The following IMMP2L variants were observed in gnomAD, a reference collection of about 807,000 sequenced individuals.
The protein encoded by IMMP2L is mitochondrial inner membrane protease subunit 2.
A neutral mutation model predicts 19.3 loss-of-function variants in IMMP2L; 18 were observed. The observed-to-expected ratio is 0.93, with a 90% CI of 0.64 to 1.38. The LOEUF (loss-of-function observed/expected upper bound fraction) is 1.38, where lower values mean the gene tolerates loss of function less well. IMMP2L is among the 40% of genes most tolerant of loss of function. IMMP2L has a pLI of 0.00. For synonymous variants in IMMP2L, 76 were observed against 73.0 expected, an observed-to-expected ratio of 1.04 and a Z score of -0.21; for missense variants, 233 against 218.2, an observed-to-expected ratio of 1.07 and a Z score of -0.43.
At chr7:111,388,307 C>A (rs376747708) in intron 3 of IMMP2L, among the ~76,000 whole-genome samples, 6 of 151,758 alleles carry the variant, frequency 4.0e-5, no homozygotes, top group Admixed American at 2.6e-4. Context: ...GGAAATTGGG[C>A]AAACAAATAA....
intron 5 of IMMP2L, among the ~76,000 whole-genome samples, chr7:110,869,754 A>G (rs909457975): frequency 2.0e-5 from 3 of 152,132 alleles, no homozygotes; most frequent in South Asian, 4.1e-4. Context: ...AAACAGTGCT[A>G]TAACATTTTA....
intron 3 of IMMP2L, among the ~76,000 whole-genome samples, chr7:111,438,892 G>C (rs556441196): frequency 6.6e-6 from 1 of 151,838 alleles, no homozygotes; most frequent in South Asian, 2.1e-4. Context: ...TCACAAATAT[G>C]AACTAAAATT....
intron 3 of IMMP2L, among the ~76,000 whole-genome samples, chr7:111,346,499 G>A (rs1248750209): frequency 6.6e-6 from 1 of 152,120 alleles, no homozygotes; most frequent in Non-Finnish European, 1.5e-5. Flanking sequence ...TTTGGATGGA[G>A]CCTTCCAAAT....
chr7:111,047,177 T>TGG (rs1792485222), intron 3 of IMMP2L, among the ~76,000 whole-genome samples: 2 of 139,814 alleles, frequency 1.4e-5, no homozygotes, highest in African/African-American at 6.3e-5. Flanking sequence ...TCTTTTTTGT[T>TGG]TTTTTTTTGT....
intron 3 of IMMP2L, among the ~76,000 whole-genome samples, chr7:111,148,744 A>G (rs1803753881): frequency 6.6e-6 from 1 of 151,646 alleles, no homozygotes; most frequent in Admixed American, 6.6e-5. Context: ...TGGATGACAT[A>G]CGTGTATGTG....
At chr7:111,397,450 C>T (rs574526400) in intron 3 of IMMP2L, among the ~76,000 whole-genome samples, 2 of 152,130 alleles carry the variant, frequency 1.3e-5, no homozygotes, top group Admixed American at 1.3e-4. Context: ...TGATTTATGT[C>T]TTGGAAAAAA....
At chr7:111,541,168 GC>G (rs1158656724) in intron 1 of IMMP2L, among the ~76,000 whole-genome samples, 2 of 152,000 alleles carry the variant, frequency 1.3e-5, no homozygotes, top group Non-Finnish European at 2.9e-5. Context: ...TATCAGAATG[GC>G]CCCTCCCTCA....
In IMMP2L at chr7:111,549,257, A is replaced by T. The variant is rs74464602; in HGVS notation, c.-3+12594T>A. On this transcript the variant is annotated intron_variant, in intron 1 of 5. Transcript: ENST00000405709. ...CTCATTAACCGAACAATTCCCCACT[A>T]TTCTCTGAGTTTAAATTCACATAGG... Among the ~76,000 whole-genome samples, 408 of 152,270 alleles carry T rather than the reference A, an allele frequency of 2.7e-3. 6 individuals carry two copies. Among genetic ancestry groups the T allele is most frequent in the African/African-American group, 9.3e-3 (385 of 41,586 alleles).
At chr7:111,124,636 G>C (rs775420803) in intron 3 of IMMP2L, 2 of 1,613,954 alleles carry the variant, frequency 1.2e-6, no homozygotes, top group South Asian at 2.2e-5. Flanking sequence ...AAAAGAGTAT[G>C]AAAAGAATAA....
chr7:111,183,572 C>T (rs1485919023), intron 3 of IMMP2L, among the ~76,000 whole-genome samples: 2 of 152,074 alleles, frequency 1.3e-5, no homozygotes, highest in African/African-American at 2.4e-5. Context: ...GAAATGACTG[C>T]ATATGTATCC....
intron 3 of IMMP2L, among the ~76,000 whole-genome samples, chr7:111,007,927 T>C (rs191657793): frequency 1.8e-4 from 28 of 152,062 alleles, no homozygotes; most frequent in African/African-American, 6.5e-4. Flanking sequence ...TAATAGTATC[T>C]CCATCCTTCC....
At chr7:111,360,262 CTAAT>C (rs1584792576) in intron 3 of IMMP2L, among the ~76,000 whole-genome samples, 1 of 152,070 alleles carries the variant, frequency 6.6e-6, no homozygotes, top group Non-Finnish European at 1.5e-5. Flanking sequence ...TACATGCATA[CTAAT>C]TATTAAAATG....
At chr7:111,350,350 CATATATAT>C (rs35448482) in intron 3 of IMMP2L, among the ~76,000 whole-genome samples, 1 of 147,216 alleles carries the variant, frequency 6.8e-6, no homozygotes, top group East Asian at 2.0e-4. Flanking sequence ...TGCATATATA[CATATATAT>C]ATATATATAT....
At chr7:111,033,898 C>T (rs1791075340) in intron 3 of IMMP2L, among the ~76,000 whole-genome samples, 1 of 151,964 alleles carries the variant, frequency 6.6e-6, no homozygotes, top group African/African-American at 2.4e-5. Flanking sequence ...GTGGTAATAT[C>T]CATATTATGG....
chr7:111,220,538 A>G (rs942842700), intron 3 of IMMP2L, among the ~76,000 whole-genome samples: 1 of 152,006 alleles, frequency 6.6e-6, no homozygotes, highest in Non-Finnish European at 1.5e-5. Context: ...TTTGAGATAA[A>G]AAGTTTTCTG....
At chr7:111,384,488 CA>C (rs1414895260) in intron 3 of IMMP2L, among the ~76,000 whole-genome samples, 1 of 152,080 alleles carries the variant, frequency 6.6e-6, no homozygotes, top group Non-Finnish European at 1.5e-5. Context: ...CTACTTCTCC[CA>C]AACTCCTAAA....
chr7:111,485,848 T>C (rs1251042477), intron 3 of IMMP2L, among the ~76,000 whole-genome samples: 2 of 151,930 alleles, frequency 1.3e-5, no homozygotes, highest in African/African-American at 4.8e-5. Context: ...TCTATTTAAG[T>C]CCACTTGGTT....
chr7:111,485,492 G>A (rs1162415722), intron 3 of IMMP2L, among the ~76,000 whole-genome samples: 1 of 149,446 alleles, frequency 6.7e-6, no homozygotes, highest in African/African-American at 2.5e-5. Context: ...CAACTACTCA[G>A]GAGGCTGAAG....
intron 1 of IMMP2L, among the ~76,000 whole-genome samples, chr7:111,529,740 T>C (rs1317431266): frequency 1.3e-5 from 2 of 152,154 alleles, no homozygotes; most frequent in Non-Finnish European, 2.9e-5. Flanking sequence ...GCTTCTTTCA[T>C]GGAGATAATT....
Sources: allele counts gnomAD v4.1 joint callset (sites outside exome capture counted in the v4.1 genomes callset), GRCh38; gene constraint gnomAD v4.1.1; transcripts MANE v1.5; gene names NCBI Gene and HGNC (gene_info 2026-07-23, HGNC 2026-07-21).